Variants in MACROD2 observed in about 807,000 individuals in gnomAD.
MACROD2 encodes the protein mono-ADP ribosylhydrolase 2.
MACROD2 carries 36 observed loss-of-function variants against 70.4 expected under a neutral mutation model. The ratio of observed to expected loss-of-function variants is 0.51; its 90% CI spans 0.39 to 0.68. MACROD2 has a LOEUF of 0.68. Ranked by LOEUF, MACROD2 falls within the 30% of genes least tolerant of loss-of-function variation. MACROD2 has a pLI of 0.00. For synonymous variants in MACROD2, 172 were observed against 178.8 expected, an observed-to-expected ratio of 0.96 and a Z score of 0.30; for missense variants, 496 against 538.4, an observed-to-expected ratio of 0.92 and a Z score of 0.78.
chr20:14,552,557 G>GA (rs1978729527), intron 4 of MACROD2, among the ~76,000 whole-genome samples: 2 of 151,576 alleles, frequency 1.3e-5, no homozygotes, highest in Non-Finnish European at 1.5e-5. Context: ...GATATGTTCT[G>GA]AAAAAAACAG....
chr20:15,989,977 G>A (rs1345655304), intron 15 of MACROD2, among the ~76,000 whole-genome samples: 3 of 152,150 alleles, frequency 2.0e-5, no homozygotes, highest in African/African-American at 7.2e-5. Context: ...GCAACATTAA[G>A]TTTTGAAGTT....
At chr20:14,428,200 A>G (rs1309251552) in intron 3 of MACROD2, among the ~76,000 whole-genome samples, 2 of 152,158 alleles carry the variant, frequency 1.3e-5, no homozygotes, top group Admixed American at 6.5e-5. Context: ...TAATAGTGTT[A>G]TAATAGCTGA....
chr20:15,725,937 T>C (rs1038842501), intron 8 of MACROD2, among the ~76,000 whole-genome samples: 10 of 152,132 alleles, frequency 6.6e-5, no homozygotes, highest in African/African-American at 2.2e-4. Context: ...TAAAAATATA[T>C]AGGTAAACCT....
At chr20:14,443,401 A>T (rs1170115397) in intron 3 of MACROD2, among the ~76,000 whole-genome samples, 2 of 150,390 alleles carry the variant, frequency 1.3e-5, no homozygotes, top group Non-Finnish European at 3.0e-5. Context: ...GGTTCAAGCG[A>T]TTCTCTTGTC....
intron 5 of MACROD2, among the ~76,000 whole-genome samples, chr20:15,015,145 T>A (rs2075111659): frequency 6.6e-6 from 1 of 152,102 alleles, no homozygotes; most frequent in Non-Finnish European, 1.5e-5. Context: ...AAATGTTTAA[T>A]AATTCAAACT....
At chr20:15,213,818 T>A (rs2076784951) in intron 5 of MACROD2, among the ~76,000 whole-genome samples, 2 of 152,042 alleles carry the variant, frequency 1.3e-5, no homozygotes, top group Non-Finnish European at 2.9e-5. Context: ...TATCAGAAGC[T>A]GCAAACACAG....
intron 6 of MACROD2, among the ~76,000 whole-genome samples, chr20:15,289,533 G>T (rs1042440206): frequency 6.6e-6 from 1 of 152,188 alleles, no homozygotes; most frequent in Non-Finnish European, 1.5e-5. Context: ...GGCTAGAGTG[G>T]TTCGCACTTC....
At chr20:15,822,458 CTTAA>C (rs2147104267) in intron 8 of MACROD2, among the ~76,000 whole-genome samples, 1 of 152,134 alleles carries the variant, frequency 6.6e-6, no homozygotes, top group South Asian at 2.1e-4. Context: ...GAAGTCATAA[CTTAA>C]TTACATTTAT....
At chr20:14,629,904 C>A (rs1984401427) in intron 4 of MACROD2, among the ~76,000 whole-genome samples, 1 of 152,100 alleles carries the variant, frequency 6.6e-6, no homozygotes, top group Non-Finnish European at 1.5e-5. Flanking sequence ...GAGAAATATA[C>A]ACAAAGCAGT....
intron 4 of MACROD2, among the ~76,000 whole-genome samples, chr20:14,526,386 A>G (rs191751511): frequency 2.6e-4 from 40 of 152,272 alleles, no homozygotes; most frequent in Admixed American, 1.2e-3. Context: ...ATGATCTATC[A>G]GTTTTGGGGG....
At chr20:14,063,117 T>C (rs1227700332) in intron 2 of MACROD2, among the ~76,000 whole-genome samples, 1 of 152,178 alleles carries the variant, frequency 6.6e-6, no homozygotes, top group Non-Finnish European at 1.5e-5. Flanking sequence ...TATTATAGTG[T>C]TTTTATGATT....
rs10556594 is a variant in MACROD2 at position 15,904,880 on chromosome 20, C to CAA, written c.775+19092_775+19093dup. ...TGCGCGAAAGAGAGAGACTCTGTCT[C>CAA]AAAAAAAAAAAAAAAAAAAAAAAAG... On this transcript the variant is annotated intron_variant, in intron 10 of 17. Transcript: ENST00000684519. Among the ~76,000 whole-genome samples the CAA allele has an allele frequency of 1.5e-3, 190 of 128,948 alleles. 3 individuals are homozygous for CAA. Among genetic ancestry groups the CAA allele is most frequent in the Middle Eastern group, 4.1e-3 (1 of 246 alleles). The allele number at this position is 128,948 out of a possible 152,430, so 84.6% of individuals were successfully genotyped here. A position where few individuals can be genotyped will look rare whatever the true frequency, so the allele number is the denominator to read the frequency against.
At chr20:14,768,200 T>G (rs927002175) in intron 5 of MACROD2, among the ~76,000 whole-genome samples, 3 of 152,104 alleles carry the variant, frequency 2.0e-5, no homozygotes, top group Non-Finnish European at 4.4e-5. Context: ...TCTAGATCCT[T>G]GAGGAATCAC....
chr20:14,527,221 G>T (rs1043312844), intron 4 of MACROD2, among the ~76,000 whole-genome samples: 1 of 152,130 alleles, frequency 6.6e-6, no homozygotes, highest in African/African-American at 2.4e-5. Flanking sequence ...CCGCTGATGT[G>T]CTCCTCTCCA....
At chr20:15,275,653 C>G (rs972839406) in intron 6 of MACROD2, among the ~76,000 whole-genome samples, 1 of 152,154 alleles carries the variant, frequency 6.6e-6, no homozygotes, top group Admixed American at 6.5e-5. Flanking sequence ...CACAGACTTT[C>G]AAGGAAGCTT....
At chr20:15,896,955 G>A (rs2147233209) in intron 10 of MACROD2, among the ~76,000 whole-genome samples, 1 of 152,200 alleles carries the variant, frequency 6.6e-6, no homozygotes, top group African/African-American at 2.4e-5. Flanking sequence ...AAAAAAGCCT[G>A]ATTAGTACCA....
At chr20:15,069,816 C>T (rs1382681944) in intron 5 of MACROD2, among the ~76,000 whole-genome samples, 3 of 152,186 alleles carry the variant, frequency 2.0e-5, no homozygotes, top group African/African-American at 4.8e-5. Context: ...GCTACAGAGG[C>T]GGAGCCCCTG....
At chr20:14,618,262 G>GT (rs1568701698) in intron 4 of MACROD2, among the ~76,000 whole-genome samples, 1 of 152,042 alleles carries the variant, frequency 6.6e-6, no homozygotes, top group African/African-American at 2.4e-5. Context: ...CTTAGGCAGT[G>GT]TTTTTTCCAC....
chr20:15,583,085 G>T (rs1424204271), intron 8 of MACROD2, among the ~76,000 whole-genome samples: 3 of 152,112 alleles, frequency 2.0e-5, no homozygotes, highest in Non-Finnish European at 4.4e-5. Context: ...ACCGGTTTGT[G>T]TCGATGCTAT....
Sources: gnomAD v4.1 joint callset for allele counts (sites outside exome capture counted in the v4.1 genomes callset) on GRCh38, gnomAD v4.1.1 for gene constraint, MANE v1.5 for transcripts, NCBI Gene and HGNC (gene_info 2026-07-23, HGNC 2026-07-21) for gene names.